ANKRD46: variants seen among roughly 807,000 people sequenced by gnomAD.
The protein encoded by ANKRD46 is ankyrin repeat domain-containing protein 46.
In ANKRD46, 13 loss-of-function variants were observed where a neutral mutation model predicts 19.8. The ratio of observed to expected loss-of-function variants is 0.66; its 90% confidence interval spans 0.43 to 1.04. ANKRD46 has a LOEUF of 1.04. Ranked by LOEUF, ANKRD46 falls within the 50% of genes least tolerant of loss-of-function variation. The pLI is 0.00. For missense variants in ANKRD46, 185 were observed against 274.8 expected (o/e 0.67, Z 2.31); for synonymous variants, 91 against 106.9 (o/e 0.85, Z 0.92).
chr8:100,535,966 G>A (rs1812057054), intron 1 of ANKRD46, among the ~76,000 whole-genome samples: 3 of 151,918 alleles, frequency 2.0e-5, no homozygotes, highest in Admixed American at 6.6e-5. Flanking sequence ...AGACTGTTGA[G>A]CATGAAGATG....
At chr8:100,538,791 A>C (rs1417732789) in intron 1 of ANKRD46, among the ~76,000 whole-genome samples, 1 of 152,168 alleles carries the variant, frequency 6.6e-6, no homozygotes, top group Non-Finnish European at 1.5e-5. Flanking sequence ...GATATGTGAT[A>C]GTCTGACTCC....
chr8:100,530,843 C>G (rs989709118), intron 2 of ANKRD46, among the ~76,000 whole-genome samples: 2 of 152,138 alleles, frequency 1.3e-5, no homozygotes, highest in African/African-American at 4.8e-5. Context: ...TTCCCACCGT[C>G]CAAAGACTGA....
Position 100,550,259 on chromosome 8 carries a change from T to C in ANKRD46, c.-131+9452A>G, listed in dbSNP as rs559926535. Reference sequence around the variant, plus strand: ...ACCAAATTGTCTCCCAAAGTAGCTGTACCATTTGGCATTCCCACTAGCAAT... The same window carrying C: ...ACCAAATTGTCTCCCAAAGTAGCTGCACCATTTGGCATTCCCACTAGCAAT... On this transcript the variant is annotated intron_variant, in intron 1 of 4. Transcript: ENST00000335659. This position sits in a 1 kb window ranked among gnomAD's most constrained non-coding sequence, Gnocchi z 4.4. 1.5e-4 allele frequency among the ~76,000 whole-genome samples: 23 copies of C among 152,354 alleles called. 1 individual carries two copies. The highest frequency in any genetic ancestry group is 5.5e-4 in the African/African-American group (23 of 41,576).
At position 100,522,087 on chromosome 8, in the gene ANKRD46, G is replaced by C; in HGVS notation, c.*468C>G. 1 of 987,226 alleles carries C rather than the reference G, an allele frequency of 1.0e-6. No individual in the cohort carries two copies. The highest frequency in any genetic ancestry group is 1.2e-6 in the Non-Finnish European group (1 of 830,900). 61.2% of individuals were successfully genotyped at this position (987,226 alleles called of 1,614,324 possible). On this transcript the variant is annotated 3_prime_UTR_variant, in exon 5 of 5. Transcript: ENST00000335659. Reference sequence around the variant, plus strand: ...ACAAGATTTGAAAAAAGTACTTCAAGTTTTATCTCTTATCCCTAGAGAAAG... The same window carrying C: ...ACAAGATTTGAAAAAAGTACTTCAACTTTTATCTCTTATCCCTAGAGAAAG...
intron 1 of ANKRD46, among the ~76,000 whole-genome samples, chr8:100,541,099 C>T (rs1027859885): frequency 6.6e-6 from 1 of 150,412 alleles, no homozygotes; most frequent in Non-Finnish European, 1.5e-5. Flanking sequence ...TTCTCACTAA[C>T]TGTGAATTTG....
intron 1 of ANKRD46, among the ~76,000 whole-genome samples, chr8:100,547,623 A>G (rs1385099968): frequency 6.6e-6 from 1 of 152,184 alleles, no homozygotes; most frequent in Non-Finnish European, 1.5e-5. Flanking sequence ...CCTTGTCTCA[A>G]AAAAATAGAA....
downstream of ANKRD46, among the ~76,000 whole-genome samples, chr8:100,518,511 CTTAA>C (rs1056758126): frequency 1.3e-5 from 2 of 151,988 alleles, no homozygotes; most frequent in Non-Finnish European, 2.9e-5. Context: ...CGAATCTTCC[CTTAA>C]TTATCTCGTG....
chr8:100,553,072 G>T (rs1052611626), intron 1 of ANKRD46, among the ~76,000 whole-genome samples: 2 of 152,222 alleles, frequency 1.3e-5, no homozygotes, highest in African/African-American at 4.8e-5. Flanking sequence ...CCAGGCCTAA[G>T]AAATCTCATG....
intron 4 of ANKRD46, among the ~76,000 whole-genome samples, chr8:100,523,646 T>G (rs1329828561): frequency 6.6e-6 from 1 of 152,068 alleles, no homozygotes; most frequent in African/African-American, 2.4e-5. Flanking sequence ...TCATCAGAAA[T>G]TCTTTTTTTT....
At chr8:100,555,343 A>G (rs1054793942) in intron 1 of ANKRD46, among the ~76,000 whole-genome samples, 3 of 151,920 alleles carry the variant, frequency 2.0e-5, no homozygotes, top group Non-Finnish European at 4.4e-5. Context: ...CTAGATCTAC[A>G]TGAAGAAAAG....
intron 1 of ANKRD46, among the ~76,000 whole-genome samples, chr8:100,539,071 C>CGGTG: frequency 6.6e-6 from 1 of 152,156 alleles, no homozygotes; most frequent in Non-Finnish European, 1.5e-5. Context: ...AGTCTCTGAC[C>CGGTG]GGTGAATAGT....
intron 5 of ANKRD46, among the ~76,000 whole-genome samples, chr8:100,515,333 C>T (rs967542159): frequency 1.2e-4 from 18 of 152,160 alleles, no homozygotes; most frequent in African/African-American, 2.4e-4. Flanking sequence ...AGCTTCCTCA[C>T]GGTATTTCCA....
chr8:100,544,594 T>C lies in ANKRD46; in HGVS notation c.-130-11283A>G, dbSNP rs1452415244. Among the ~76,000 whole-genome samples, 2 of 152,178 alleles carry C rather than the reference T, an allele frequency of 1.3e-5. No homozygotes were observed. The highest frequency in any genetic ancestry group is 2.9e-5 in the Non-Finnish European group (2 of 68,024). ...ATTTTTCAGGATAAGCACTAAGTAC[T>C]AGACACCAATCAAAACGTTTGTATC... On this transcript the variant is annotated intron_variant, in intron 1 of 4. Coordinates refer to ENST00000335659, the MANE Select transcript of ANKRD46 (RefSeq NM_001270377.2). This position sits in a 1 kb window ranked among gnomAD's most constrained non-coding sequence, Gnocchi z 4.4.
Position 100,547,909 on chromosome 8 carries a change from C to T in ANKRD46, c.-131+11802G>A, listed in dbSNP as rs16898560. Among the ~76,000 whole-genome samples, 1,153 of 152,290 alleles carry T rather than the reference C, an allele frequency of 7.6e-3. 18 individuals are homozygous for T. Among genetic ancestry groups the T allele is most frequent in the African/African-American group, 0.026 (1,069 of 41,542 alleles). On this transcript the variant is annotated intron_variant, in intron 1 of 4. Transcript: ENST00000335659. ...TTTCCAATGTCTTCCTAACTGGTCTCTCAGTCTCATTCTCTCTTCTGTCAC... is the reference window on the plus strand; with the variant it reads ...TTTCCAATGTCTTCCTAACTGGTCTTTCAGTCTCATTCTCTCTTCTGTCAC...
rs753674175 is a variant in ANKRD46 at position 100,559,738 on chromosome 8, G to C, written c.-158C>G. ...GCGACTCGAACGAGCAGCAGCGACA[G>C]CGGCAGCTTCAAGGAGGCGGTGACG... On this transcript the variant is annotated 5_prime_UTR_variant, in exon 1 of 5. Transcript: ENST00000335659. The surrounding 1 kb of genome is among the most constrained non-coding windows in gnomAD (Gnocchi z 6.0). 9 of 153,358 alleles carry C rather than the reference G, an allele frequency of 5.9e-5. No homozygotes were observed. Among genetic ancestry groups the C allele is most frequent in the Non-Finnish European group, 8.7e-5 (6 of 68,942 alleles). 9.5% of individuals were successfully genotyped at this position (153,358 alleles called of 1,614,324 possible).
chr8:100,549,225 C>T (rs1341277225), intron 1 of ANKRD46, among the ~76,000 whole-genome samples: 1 of 151,694 alleles, frequency 6.6e-6, no homozygotes, highest in African/African-American at 2.4e-5. Context: ...CTGCCTTAGC[C>T]TCCCAAAGTG....
intron 5 of ANKRD46, among the ~76,000 whole-genome samples, chr8:100,512,432 C>A (rs916038162): frequency 6.6e-6 from 1 of 152,204 alleles, no homozygotes; most frequent in Non-Finnish European, 1.5e-5. Context: ...GAATGATGAC[C>A]GGACAATAGC....
intron 1 of ANKRD46, among the ~76,000 whole-genome samples, chr8:100,533,960 G>A (rs866464452): frequency 6.6e-6 from 1 of 152,172 alleles, no homozygotes; most frequent in Admixed American, 6.5e-5. Context: ...GAGAGACTAC[G>A]AGGGCACCCT....
At position 100,521,372 on chromosome 8, in the gene ANKRD46, C is replaced by A. The variant is rs549647926; in HGVS notation, c.*1183G>T. ...TAAATAATTATCAAGCCTTCATATT[C>A]TTTTTTAACCACTCAAGAACATAAT... On this transcript the variant is annotated 3_prime_UTR_variant, in exon 5 of 5. Transcript: ENST00000335659. 4.1e-6 allele frequency: 4 copies of A among 985,310 alleles called. No individual in the cohort carries two copies. In the African/African-American group the frequency reaches 7.0e-5, roughly 17 times the overall value. The allele number at this position is 985,310 out of a possible 1,614,324, so 61.0% of individuals were successfully genotyped here. A position where few individuals can be genotyped will look rare whatever the true frequency, so the allele number is the denominator to read the frequency against.
Sources: allele counts gnomAD v4.1 joint callset (sites outside exome capture counted in the v4.1 genomes callset), GRCh38; gene constraint gnomAD v4.1.1; non-coding constraint Gnocchi (gnomAD v3.1); transcripts MANE v1.5; gene names NCBI Gene and HGNC (gene_info 2026-07-23, HGNC 2026-07-21).